The following EFNA5 variants were observed in gnomAD, a reference collection of about 807,000 sequenced individuals.
The protein encoded by EFNA5 is ephrin A5.
A neutral mutation model predicts 22.9 loss-of-function variants in EFNA5; 5 were observed. The observed-to-expected ratio is 0.22, with a 90% CI of 0.11 to 0.46. The LOEUF (loss-of-function observed/expected upper bound fraction) is 0.46. Ranked by LOEUF, EFNA5 falls within the 20% of genes least tolerant of loss-of-function variation. The pLI is 0.99. For missense variants in EFNA5, 237 were observed against 293.3 expected, an observed-to-expected ratio of 0.81 and a Z score of 1.40; for synonymous variants, 113 against 112.2, an observed-to-expected ratio of 1.01 and a Z score of -0.04.
chr5:107,546,721 TA>T (rs1748166805), intron 1 of EFNA5, among the ~76,000 whole-genome samples: 2 of 147,590 alleles, frequency 1.4e-5, no homozygotes, highest in African/African-American at 2.5e-5. Context: ...ATTTTTTTTT[TA>T]AATAAAATAC....
chr5:107,406,172 A>ATATACATAGAATG (rs1326862748), intron 2 of EFNA5, among the ~76,000 whole-genome samples: 2 of 148,636 alleles, frequency 1.3e-5, no homozygotes, highest in African/African-American at 4.9e-5. Context: ...CTATGTATTT[A>ATATACATAGAATG]TATACATAGA....
At chr5:107,642,560 C>A (rs992735936) in intron 1 of EFNA5, among the ~76,000 whole-genome samples, 2 of 151,618 alleles carry the variant, frequency 1.3e-5, no homozygotes, top group African/African-American at 4.8e-5. Context: ...CAAGTGAGTT[C>A]TAAAATATTT....
At chr5:107,635,913 A>G (rs1324258570) in intron 1 of EFNA5, among the ~76,000 whole-genome samples, 1 of 152,256 alleles carries the variant, frequency 6.6e-6, no homozygotes, top group Non-Finnish European at 1.5e-5. Flanking sequence ...GAAACTTCTC[A>G]GGGACAGTTA....
At chr5:107,466,472 C>T (rs1749986247) in intron 1 of EFNA5, among the ~76,000 whole-genome samples, 1 of 152,280 alleles carries the variant, frequency 6.6e-6, no homozygotes, top group African/African-American at 2.4e-5. Context: ...CAGTGTCTGC[C>T]TGTTTTAATG....
At chr5:107,455,633 A>G (rs914219516) in intron 1 of EFNA5, among the ~76,000 whole-genome samples, 8 of 152,144 alleles carry the variant, frequency 5.3e-5, no homozygotes, top group Non-Finnish European at 1.5e-5. Context: ...AATTACCTAA[A>G]ATACTGCACC....
chr5:107,424,581 T>A (rs1748761323), intron 2 of EFNA5, among the ~76,000 whole-genome samples: 1 of 152,062 alleles, frequency 6.6e-6, no homozygotes, highest in Non-Finnish European at 1.5e-5. Flanking sequence ...GAGGTACTGC[T>A]GTCCTAGCAA....
chr5:107,620,438 A>C (rs1225597261), intron 1 of EFNA5, among the ~76,000 whole-genome samples: 1 of 152,250 alleles, frequency 6.6e-6, no homozygotes, highest in Non-Finnish European at 1.5e-5. Flanking sequence ...AAGTCTATAC[A>C]TACAGTCTCC....
At chr5:107,634,363 G>C (rs1750329488) in intron 1 of EFNA5, among the ~76,000 whole-genome samples, 1 of 152,148 alleles carries the variant, frequency 6.6e-6, no homozygotes, top group South Asian at 2.1e-4. Context: ...CAAAAGATTA[G>C]AAAATTAGCT....
intron 2 of EFNA5, among the ~76,000 whole-genome samples, chr5:107,407,375 G>A (rs1458451418): frequency 6.6e-6 from 1 of 152,014 alleles, no homozygotes; most frequent in Non-Finnish European, 1.5e-5. Context: ...CTAAAATCTC[G>A]GAATCACAAA....
chr5:107,651,096 G>A (rs1417509082), intron 1 of EFNA5, among the ~76,000 whole-genome samples: 1 of 152,126 alleles, frequency 6.6e-6, no homozygotes, highest in Non-Finnish European at 1.5e-5. Flanking sequence ...TCTGCCCCAA[G>A]GTCACCCTTC....
intron 1 of EFNA5, among the ~76,000 whole-genome samples, chr5:107,440,122 T>C (rs1749217403): frequency 6.6e-6 from 1 of 152,186 alleles, no homozygotes; most frequent in African/African-American, 2.4e-5. Context: ...TTTACTTTTA[T>C]AGCCTGGACC....
At chr5:107,621,715 A>AAACATGTAATTAT (rs1346254685) in intron 1 of EFNA5, among the ~76,000 whole-genome samples, 1 of 152,242 alleles carries the variant, frequency 6.6e-6, no homozygotes, top group Non-Finnish European at 1.5e-5. Context: ...TTAAACTAGA[A>AAACATGTAATTAT]AACATGTAAT....
At chr5:107,569,334 G>T (rs1748723951) in intron 1 of EFNA5, among the ~76,000 whole-genome samples, 1 of 137,300 alleles carries the variant, frequency 7.3e-6, no homozygotes, top group Non-Finnish European at 1.5e-5. Context: ...TTAATAGAAA[G>T]GACTGCAGAC....
At chr5:107,581,346 T>C (rs912973145) in intron 1 of EFNA5, among the ~76,000 whole-genome samples, 5 of 152,214 alleles carry the variant, frequency 3.3e-5, no homozygotes, top group African/African-American at 1.2e-4. Context: ...CCTGAGAGAT[T>C]ATTCATTATC....
chr5:107,544,148 C>T (rs1467528480), intron 1 of EFNA5, among the ~76,000 whole-genome samples: 1 of 152,132 alleles, frequency 6.6e-6, no homozygotes, highest in African/African-American at 2.4e-5. Flanking sequence ...TGGATGCCTC[C>T]TTACCCAAGC....
At chr5:107,564,631 G>GTTTTT (rs34585445) in intron 1 of EFNA5, among the ~76,000 whole-genome samples, 34 of 115,014 alleles carry the variant, frequency 3.0e-4, no homozygotes, top group East Asian at 7.6e-4. Context: ...TTGGGTTTTT[G>GTTTTT]TTTTTTTTTT....
intron 1 of EFNA5, among the ~76,000 whole-genome samples, chr5:107,451,143 A>G (rs888293245): frequency 6.6e-6 from 1 of 152,332 alleles, no homozygotes; most frequent in East Asian, 1.9e-4. Flanking sequence ...TCATCAATAA[A>G]TCCCCTTTGA....
Position 107,670,742 on chromosome 5 carries a change from A to C in EFNA5, c.-129T>G. The C allele has an allele frequency of 7.4e-7, 1 of 1,360,278 alleles. No individual in the cohort carries two copies. Among genetic ancestry groups the C allele is most frequent in the Non-Finnish European group, 9.9e-7 (1 of 1,010,972 alleles). The allele number at this position is 1,360,278 out of a possible 1,614,324, so 84.3% of individuals were successfully genotyped here. A position where few individuals can be genotyped will look rare whatever the true frequency, so the allele number is the denominator to read the frequency against. The stretch of plus-strand genomic sequence containing the variant: ...AATAAATATGAATAAATAAAAATGA[A>C]AGTGGGCGAGAAAGGAAAGAGGCGC... On this transcript the variant is annotated 5_prime_UTR_variant, in exon 1 of 5. Coordinates refer to ENST00000333274, the MANE Select transcript of EFNA5 (RefSeq NM_001962.3).
chr5:107,603,620 C>G (rs549372380), intron 1 of EFNA5, among the ~76,000 whole-genome samples: 28 of 152,236 alleles, frequency 1.8e-4, no homozygotes, highest in Middle Eastern at 6.8e-3. Flanking sequence ...ATTAAATCAC[C>G]AAATTTGTCA....
Sources: allele counts gnomAD v4.1 joint callset (sites outside exome capture counted in the v4.1 genomes callset), GRCh38; gene constraint gnomAD v4.1.1; transcripts MANE v1.5; gene names NCBI Gene and HGNC (gene_info 2026-07-23, HGNC 2026-07-21).